Variants in CNTNAP2 observed in about 807,000 individuals in gnomAD.
CNTNAP2 encodes the protein contactin associated protein 2.
CNTNAP2 carries 98 observed loss-of-function variants against 155.2 expected under a neutral mutation model. The observed-to-expected ratio is 0.63, with a 90% CI of 0.54 to 0.75. The LOEUF is 0.75. CNTNAP2 is among the 30% of genes least tolerant of loss of function. The probability of loss-of-function intolerance (pLI) is 0.00; values close to 1 mark genes in which losing one functional copy is unlikely to be tolerated. For missense variants in CNTNAP2, 1,727 were observed against 1,688.1 expected (o/e 1.02, Z -0.40); for synonymous variants, 651 against 631.2 (o/e 1.03, Z -0.47).
intron 20 of CNTNAP2, among the ~76,000 whole-genome samples, chr7:148,261,374 G>A (rs1271934617): frequency 6.6e-6 from 1 of 152,160 alleles, no homozygotes; most frequent in African/African-American, 2.4e-5. Flanking sequence ...TGGCCAGGCT[G>A]GTCTCGAACT....
chr7:147,851,174 CTCA>C (rs1285621155), intron 13 of CNTNAP2, among the ~76,000 whole-genome samples: 2 of 152,094 alleles, frequency 1.3e-5, no homozygotes, highest in Non-Finnish European at 2.9e-5. Flanking sequence ...TGAAAAAATG[CTCA>C]TCATCACTGG....
At chr7:148,006,401 C>T (rs1032242558) in intron 15 of CNTNAP2, among the ~76,000 whole-genome samples, 6 of 148,472 alleles carry the variant, frequency 4.0e-5, no homozygotes, top group Non-Finnish European at 7.4e-5. Context: ...CTCACTGCAA[C>T]CTCTGCCTCC....
intron 3 of CNTNAP2, among the ~76,000 whole-genome samples, chr7:146,988,884 TGTGAACTTGCTCCCAAATCGGAG>T (rs1334869340): frequency 1.3e-5 from 2 of 152,194 alleles, no homozygotes; most frequent in Non-Finnish European, 2.9e-5. Flanking sequence ...CTGCATCTGT[TGTGAACTTGCTCCCAAATCGGAG>T]CCCTGTGTTT....
At chr7:146,920,156 G>A (rs905171276) in intron 3 of CNTNAP2, among the ~76,000 whole-genome samples, 11 of 152,186 alleles carry the variant, frequency 7.2e-5, no homozygotes, top group African/African-American at 2.7e-4. Flanking sequence ...GCTTATGCCT[G>A]TAAGCCCAGC....
At chr7:147,944,198 C>T (rs1186663497) in intron 14 of CNTNAP2, among the ~76,000 whole-genome samples, 1 of 152,110 alleles carries the variant, frequency 6.6e-6, no homozygotes, top group Non-Finnish European at 1.5e-5. Flanking sequence ...TTTAGAAAAT[C>T]AGATCAGCAT....
intron 15 of CNTNAP2, among the ~76,000 whole-genome samples, chr7:148,028,815 C>T (rs536053213): frequency 6.6e-6 from 1 of 152,212 alleles, no homozygotes; most frequent in East Asian, 1.9e-4. Context: ...CATTTGGAAA[C>T]AACACCATCT....
intron 3 of CNTNAP2, among the ~76,000 whole-genome samples, chr7:146,980,446 T>C (rs534587513): frequency 1.3e-5 from 2 of 152,156 alleles, no homozygotes; most frequent in South Asian, 4.1e-4. Flanking sequence ...GCAGGGAGCT[T>C]TGTAATAATT....
At chr7:146,800,623 A>T (rs1237147722) in intron 2 of CNTNAP2, among the ~76,000 whole-genome samples, 3 of 152,198 alleles carry the variant, frequency 2.0e-5, no homozygotes, top group Admixed American at 6.5e-5. Context: ...CTAGAAGAGG[A>T]TTCCTTGAGC....
intron 1 of CNTNAP2, among the ~76,000 whole-genome samples, chr7:146,389,231 ACAC>A (rs757491865): frequency 0.13 from 20,179 of 150,480 alleles, 1,637 homozygotes; most frequent in African/African-American, 0.23. Flanking sequence ...AGTCACACAC[ACAC>A]ACACACACAC....
At chr7:147,388,102 CT>C (rs1318748515) in intron 9 of CNTNAP2, among the ~76,000 whole-genome samples, 1 of 152,172 alleles carries the variant, frequency 6.6e-6, no homozygotes, top group East Asian at 1.9e-4. Flanking sequence ...GTAGCTTCCT[CT>C]TTTTTTCTCC....
At chr7:147,594,731 G>A (rs1174227747) in intron 12 of CNTNAP2, among the ~76,000 whole-genome samples, 1 of 152,102 alleles carries the variant, frequency 6.6e-6, no homozygotes, top group African/African-American at 2.4e-5. Context: ...CAGTTTTAAA[G>A]GGAAGAATTT....
chr7:147,034,078 AT>A (rs753084571), intron 3 of CNTNAP2, among the ~76,000 whole-genome samples: 6 of 152,082 alleles, frequency 3.9e-5, no homozygotes, highest in Non-Finnish European at 8.8e-5. Flanking sequence ...TAATTCATGA[AT>A]TTTCTAGAAA....
At chr7:146,754,534 GTCTC>G (rs71525968) in intron 1 of CNTNAP2, among the ~76,000 whole-genome samples, 6 of 143,330 alleles carry the variant, frequency 4.2e-5, no homozygotes, top group African/African-American at 1.1e-4. Context: ...GGTTGTTAGA[GTCTC>G]TCTCTCTCTC....
At chr7:146,313,516 T>A (rs1381112168) in intron 1 of CNTNAP2, among the ~76,000 whole-genome samples, 1 of 152,208 alleles carries the variant, frequency 6.6e-6, no homozygotes, top group Non-Finnish European at 1.5e-5. Flanking sequence ...ATCGAGTTGT[T>A]TCCTTTGCTA....
intron 12 of CNTNAP2, among the ~76,000 whole-genome samples, chr7:147,600,671 C>T (rs1391137192): frequency 6.6e-6 from 1 of 152,112 alleles, no homozygotes; most frequent in African/African-American, 2.4e-5. Context: ...CTTTGCTCCA[C>T]CTTTTCTGGC....
chr7:146,160,463 C>G (rs1479415436), intron 1 of CNTNAP2, among the ~76,000 whole-genome samples: 1 of 151,518 alleles, frequency 6.6e-6, no homozygotes, highest in African/African-American at 2.4e-5. Context: ...GCTAGCAAGG[C>G]TAATAAAGAA....
At chr7:147,407,067 C>A (rs73158357) in intron 10 of CNTNAP2, among the ~76,000 whole-genome samples, 36,298 of 152,114 alleles carry the variant, frequency 0.24, 5,832 homozygotes, top group African/African-American at 0.44. Context: ...AGACCCCCCC[C>A]TCTGGGAAAT....
chr7:146,938,000 A>G (rs923788447), intron 3 of CNTNAP2, among the ~76,000 whole-genome samples: 8 of 152,168 alleles, frequency 5.3e-5, no homozygotes, highest in African/African-American at 1.9e-4. Flanking sequence ...CAGGAAGGGT[A>G]TATTTAACAT....
chr7:147,049,740 T>C (rs866344920), intron 4 of CNTNAP2, among the ~76,000 whole-genome samples: 1 of 152,180 alleles, frequency 6.6e-6, no homozygotes, highest in Non-Finnish European at 1.5e-5. Flanking sequence ...ATGGGGCTTC[T>C]TTCACTGCAA....
Sources: allele counts gnomAD v4.1 joint callset (sites outside exome capture counted in the v4.1 genomes callset), GRCh38; gene constraint gnomAD v4.1.1; transcripts MANE v1.5; gene names NCBI Gene and HGNC (gene_info 2026-07-23, HGNC 2026-07-21).